Variants in ZNF667 observed in about 807,000 individuals in gnomAD.
The protein encoded by ZNF667 is myocardial ischemic preconditioning upregulated 1 ortholog.
ZNF667 carries 13 observed loss-of-function variants against 31.8 expected under a neutral mutation model. That is an observed-to-expected ratio of 0.41 (90% CI 0.27 to 0.65). The LOEUF is 0.65. Among genes scored for constraint, ZNF667 ranks in the 30% least tolerant of loss-of-function variants. The pLI is 0.32. For missense variants in ZNF667, 642 were observed against 725.6 expected (o/e 0.88, Z 1.32); for synonymous variants, 228 against 247.1 (o/e 0.92, Z 0.73).
chr19:56,455,779 T>C (rs1360501611), intron 6 of ZNF667, among the ~76,000 whole-genome samples: 3 of 152,158 alleles, frequency 2.0e-5, no homozygotes, highest in East Asian at 1.9e-4. Context: ...ATAGGAATGT[T>C]TGTAACACAA....
At chr19:56,463,672 C>T (rs575624955) in intron 3 of ZNF667, among the ~76,000 whole-genome samples, 12 of 152,138 alleles carry the variant, frequency 7.9e-5, no homozygotes, top group African/African-American at 2.9e-4. Flanking sequence ...GGACCACAGG[C>T]ACCTGCCACC....
rs2043137360 is a variant in ZNF667 at position 56,465,388 on chromosome 19, T to C, written c.-59-2959A>G. The stretch of plus-strand genomic sequence containing the variant: ...CATGGATCCTAAGATGGCCTTATCC[T>C]ATTTAAGAGAAGCTAGGCAGAAGAA... On this transcript the variant is annotated intron_variant, in intron 3 of 6. Coordinates refer to ENST00000504904, the MANE Select transcript of ZNF667 (RefSeq NM_001321356.2). 2.0e-5 allele frequency among the ~76,000 whole-genome samples: 3 copies of C among 152,256 alleles called. 1 individual carries two copies. The highest frequency in any genetic ancestry group is 6.5e-5 in the Admixed American group (1 of 15,290).
intron 3 of ZNF667, among the ~76,000 whole-genome samples, chr19:56,470,256 G>A (rs1291819804): frequency 6.6e-6 from 1 of 152,234 alleles, no homozygotes; most frequent in Non-Finnish European, 1.5e-5. Flanking sequence ...TCTGTGGGAT[G>A]TGAGTTTGGG....
At position 56,477,262 on chromosome 19, in the gene ZNF667, G is replaced by T. The variant is rs986590910; in HGVS notation, c.-662+10C>A. The T allele has an allele frequency of 9.2e-5, 14 of 152,032 alleles. No homozygotes were observed. The allele number at this position is 152,032 out of a possible 1,614,324, so 9.4% of individuals were successfully genotyped here. On this transcript the variant is annotated intron_variant, in intron 1 of 6. Transcript: ENST00000504904. ...CTCAGACACACCCACACTCTCGCCA[G>T]CCCCCTTACCTCGGTCTTCCCGGGC... is the stretch of plus-strand genomic sequence containing the variant.
chr19:56,460,967 A>G, intron 4 of ZNF667, 152 bp from the exon 5 acceptor site: 1 of 612,106 alleles, frequency 1.6e-6, no homozygotes, highest in Non-Finnish European at 2.6e-6. Flanking sequence ...GGGCAGGTGT[A>G]TTAAATAAGT....
At chr19:56,444,178 TG>T in intron 6 of ZNF667, 1 of 398,452 alleles carries the variant, frequency 2.5e-6, no homozygotes, top group Non-Finnish European at 4.4e-6. Flanking sequence ...AATACTTGAG[TG>T]GGTAATTTAT....
chr19:56,441,376 G>A lies in ZNF667; in HGVS notation c.1619C>T (p.Thr540Ile), dbSNP rs1322475377. The A allele has an allele frequency of 8.7e-6, 14 of 1,614,002 alleles. No homozygotes were observed. Among genetic ancestry groups the A allele is most frequent in the East Asian group, 4.5e-5 (2 of 44,878 alleles). The change falls in exon 7 of 7, where the codon ACA (threonine) becomes ATA (isoleucine). Residue 540 changes from threonine to isoleucine, a missense_variant. Physicochemically the swap from Thr to Ile is moderately conservative, Grantham distance 89. Coordinates refer to ENST00000504904, the MANE Select transcript of ZNF667 (RefSeq NM_001321356.2). The surrounding 1 kb of genome is among the most constrained non-coding windows in gnomAD (Gnocchi z 4.2). ...ACTTCTTTCATGTAGAATAAGAGAT[G>A]TGCGCTGACTAAAGGCCTTACCACA... is the stretch of plus-strand genomic sequence containing the variant. ...KTCGKAFSQR[T>I]SLILHERSHT...
At chr19:56,449,517 T>G in intron 6 of ZNF667, 1 of 277,572 alleles carries the variant, frequency 3.6e-6, no homozygotes, top group Non-Finnish European at 7.3e-6. Context: ...CCGTCTCTAC[T>G]AAAAATAAAA....
intron 5 of ZNF667, among the ~76,000 whole-genome samples, chr19:56,459,987 T>C (rs948383991): frequency 2.0e-5 from 3 of 150,882 alleles, no homozygotes; most frequent in African/African-American, 7.3e-5. Flanking sequence ...CAAGACTCTG[T>C]ATCAAAAAAA....
intron 6 of ZNF667, among the ~76,000 whole-genome samples, chr19:56,457,689 A>G (rs942715097): frequency 7.2e-5 from 11 of 152,216 alleles, no homozygotes; most frequent in African/African-American, 2.7e-4. Context: ...AGAGGCACAC[A>G]AATAATCTCT....
intron 4 of ZNF667, among the ~76,000 whole-genome samples, chr19:56,461,118 T>G (rs1041533833): frequency 6.6e-6 from 1 of 152,206 alleles, no homozygotes; most frequent in Non-Finnish European, 1.5e-5. Context: ...TTAGTGCTCA[T>G]GTGAATCAGT....
intron 2 of ZNF667, chr19:56,472,795 T>C (rs1258414947): frequency 6.6e-6 from 1 of 152,204 alleles, no homozygotes; most frequent in Non-Finnish European, 1.5e-5. Flanking sequence ...TATTAGTACT[T>C]AAGTCTTTGG....
Position 56,460,777 on chromosome 19 carries a change from G to C in ZNF667, c.72C>G (p.Ser24=). The change falls in exon 5 of 7, where the codon TCC becomes TCG. Residue 24 remains serine (S), a synonymous_variant. Coordinates refer to ENST00000504904, the MANE Select transcript of ZNF667 (RefSeq NM_001321356.2). ...ITFGDLAIYF[S]QEEWEWLSPI... is the part of the protein sequence containing the mutation. ...GGCTCAGCCATTCCCACTCCTCCTG[G>C]GAGAAGTAGATGGCTAAGTCCCCAA... 6.2e-7 allele frequency: 1 copy of C among 1,610,534 alleles called. No individual in the cohort carries two copies. The highest frequency in any genetic ancestry group is 2.2e-5 in the East Asian group (1 of 44,566).
chr19:56,469,932 G>A (rs764759896), intron 3 of ZNF667: 4 of 494,260 alleles, frequency 8.1e-6, no homozygotes, highest in African/African-American at 5.8e-5. Context: ...CCGGGGTAGG[G>A]GTATGCTTCA....
chr19:56,453,668 T>C (rs2042879623), intron 6 of ZNF667, among the ~76,000 whole-genome samples: 1 of 152,118 alleles, frequency 6.6e-6, no homozygotes, highest in African/African-American at 2.4e-5. Context: ...AAACTGGTTA[T>C]AGAGGAACAT....
chr19:56,444,216 G>C (rs1345894296), intron 6 of ZNF667: 4 of 398,370 alleles, frequency 1.0e-5, no homozygotes, highest in African/African-American at 6.2e-5. Flanking sequence ...ATTGGCTCCT[G>C]GTTCAGTAGG....
At chr19:56,458,754 G>T (rs1323363142) in intron 5 of ZNF667, among the ~76,000 whole-genome samples, 2 of 152,146 alleles carry the variant, frequency 1.3e-5, no homozygotes, top group Non-Finnish European at 2.9e-5. Flanking sequence ...AGTAGAGGGT[G>T]CATGCTCTGT....
intron 6 of ZNF667, among the ~76,000 whole-genome samples, chr19:56,443,978 G>T (rs2042670197): frequency 6.6e-6 from 1 of 152,198 alleles, no homozygotes; most frequent in African/African-American, 2.4e-5. Context: ...AATGTGGCTG[G>T]TTTGAGGTAT....
chr19:56,471,223 T>G (rs967732524), intron 3 of ZNF667, among the ~76,000 whole-genome samples: 5 of 151,962 alleles, frequency 3.3e-5, no homozygotes, highest in African/African-American at 1.2e-4. Flanking sequence ...CCTTCTGCCA[T>G]GAGTAAAAGT....
Sources: allele counts gnomAD v4.1 joint callset (sites outside exome capture counted in the v4.1 genomes callset), GRCh38; gene constraint gnomAD v4.1.1; non-coding constraint Gnocchi (gnomAD v3.1); transcripts MANE v1.5; gene names NCBI Gene and HGNC (gene_info 2026-07-23, HGNC 2026-07-21).